SPATA9: variants seen among roughly 807,000 people sequenced by gnomAD.
SPATA9 encodes spermatogenesis associated 9.
Under a neutral mutation model 25.5 loss-of-function variants are expected in SPATA9, and 27 were observed. The observed-to-expected ratio is 1.06, with a 90% confidence interval of 0.78 to 1.46. The LOEUF (loss-of-function observed/expected upper bound fraction) is 1.46. Ranked by LOEUF, SPATA9 falls within the 40% of genes most tolerant of loss-of-function variation. The pLI is 0.00. For missense variants in SPATA9, 282 were observed against 297.5 expected, an observed-to-expected ratio of 0.95 and a Z score of 0.38; for synonymous variants, 102 against 105.7, an observed-to-expected ratio of 0.97 and a Z score of 0.21.
At chr5:95,652,463 A>T (rs185072320), downstream of SPATA9, 49 of 1,157,782 alleles carry the variant, frequency 4.2e-5, no homozygotes, top group African/African-American at 6.5e-4. Context: ...CTTAAACTCA[A>T]TATGTGTAAA....
chr5:95,673,672 C>T (rs1339685696), intron 3 of SPATA9, among the ~76,000 whole-genome samples: 2 of 151,990 alleles, frequency 1.3e-5, no homozygotes, highest in Non-Finnish European at 2.9e-5. Flanking sequence ...AAAGATATTT[C>T]AGTGGGGATT....
At chr5:95,691,133 G>A (rs982407737) in intron 1 of SPATA9, among the ~76,000 whole-genome samples, 2 of 151,600 alleles carry the variant, frequency 1.3e-5, no homozygotes, top group Admixed American at 6.6e-5. Flanking sequence ...GGAGAACGGC[G>A]TGAACCCGGG....
the SPATA9 span, among the ~76,000 whole-genome samples, chr5:95,720,038 G>C: frequency 1.3e-5 from 2 of 152,154 alleles, no homozygotes; most frequent in Admixed American, 1.3e-4. Flanking sequence ...CCTATTATAA[G>C]TTTCTACCCC....
chr5:95,716,997 T>C, the SPATA9 span: 1 of 152,284 alleles, frequency 6.6e-6, no homozygotes, highest in Non-Finnish European at 1.5e-5. Flanking sequence ...CCTTTATAAA[T>C]TATGCAGTCT....
the SPATA9 span, chr5:95,731,798 G>T: frequency 1.2e-6 from 2 of 1,603,058 alleles, no homozygotes; most frequent in African/African-American, 1.3e-5. Flanking sequence ...TTCCTGTTCC[G>T]AGGAGAGACC....
rs572756747 is a variant in SPATA9 at position 95,663,488 on chromosome 5, T to G, written c.474+465A>C. ...GCTGTACACTTTCCTTTTTGTGTGT[T>G]ACAGTTTTTTTAAGTGGCTATTAAT... On this transcript the variant is annotated intron_variant, in intron 4 of 4. Coordinates refer to ENST00000274432, the MANE Select transcript of SPATA9 (RefSeq NM_031952.4). Among the ~76,000 whole-genome samples, 7 of 152,302 alleles carry G rather than the reference T, an allele frequency of 4.6e-5. No individual in the cohort carries two copies. The South Asian group carries it at 6.2e-4, about 14-fold the overall frequency.
rs973066112 is a variant in SPATA9 at position 95,658,711 on chromosome 5, G to A, written c.677C>T (p.Pro226Leu). Residue 226 changes from proline (P) to leucine (L), a missense_variant, in exon 5 of 5, where the codon CCC (proline) becomes CTC (leucine). By Grantham distance (98) the Pro-to-Leu change is moderately conservative. Coordinates refer to ENST00000274432, the MANE Select transcript of SPATA9 (RefSeq NM_031952.4). ...LPEKPDISDY[P>L]KLLANKQSNN... ...ACTCTGCTTATTAGCAAGAAGCTTG[G>A]GGTAATCTGAAATGTCTGGCTTCTC... 6.2e-7 allele frequency: 1 copy of A among 1,613,784 alleles called. No individual in the cohort carries two copies. The highest frequency in any genetic ancestry group is 2.2e-5 in the East Asian group (1 of 44,858).
intron 3 of SPATA9, among the ~76,000 whole-genome samples, chr5:95,665,242 G>A (rs1323120691): frequency 6.6e-6 from 1 of 152,124 alleles, no homozygotes; most frequent in Non-Finnish European, 1.5e-5. Flanking sequence ...TAGCTATTTT[G>A]TAATACATAA....
At chr5:95,662,483 C>T (rs961188755) in intron 4 of SPATA9, among the ~76,000 whole-genome samples, 4 of 152,134 alleles carry the variant, frequency 2.6e-5, no homozygotes, top group Non-Finnish European at 4.4e-5. Context: ...AACTCCTGGG[C>T]TCAAGGTATC....
In SPATA9 at chr5:95,663,989, G is replaced by A. The variant is rs1366578576; in HGVS notation, c.438C>T (p.Ser146=). 1 of 1,595,914 alleles carries A rather than the reference G, an allele frequency of 6.3e-7. No homozygotes were observed. ...GTGCTGCATATGAAGCATATATTATGCTAGTTAAAGCAGTCTTTGCTGGAA... is the reference window on the plus strand; with the variant it reads ...GTGCTGCATATGAAGCATATATTATACTAGTTAAAGCAGTCTTTGCTGGAA... The part of the protein sequence containing the change: ...ISFPAKTALT[S]IIYASYAALI... Residue 146 remains serine, a synonymous_variant, in exon 4 of 5, where the codon AGC becomes AGT. Coordinates refer to ENST00000274432, the MANE Select transcript of SPATA9 (RefSeq NM_031952.4).
At chr5:95,711,742 C>T in the SPATA9 span, among the ~76,000 whole-genome samples, 1 of 152,224 alleles carries the variant, frequency 6.6e-6, no homozygotes, top group African/African-American at 2.4e-5. Flanking sequence ...GGCGAAAACG[C>T]GGCCTGGCTC....
chr5:95,683,682 C>T (rs1452954460), upstream of SPATA9, among the ~76,000 whole-genome samples: 1 of 152,098 alleles, frequency 6.6e-6, no homozygotes, highest in African/African-American at 2.4e-5. Flanking sequence ...GGACTACAGA[C>T]ACCCACCACC....
At chr5:95,706,556 G>C in the SPATA9 span, among the ~76,000 whole-genome samples, 1 of 152,024 alleles carries the variant, frequency 6.6e-6, no homozygotes, top group East Asian at 1.9e-4. Context: ...AAATTACCTA[G>C]TCGCAGGTAT....
At position 95,682,569 on chromosome 5, in the gene SPATA9, C is replaced by T; in HGVS notation, c.109G>A (p.Asp37Asn). The T allele has an allele frequency of 1.9e-6, 3 of 1,613,852 alleles. No homozygotes were observed. Among genetic ancestry groups the T allele is most frequent in the Non-Finnish European group, 2.5e-6 (3 of 1,179,828 alleles). The part of the protein sequence containing the change: ...AIMDLVDEFK[D>N]EFPTILRLSQ... ...AATCTTAGGATGGTGGGAAATTCAT[C>T]TTTAAACTCATCTACAAGGTCCATG... The change falls in exon 2 of 5, where the codon GAT (aspartate) becomes AAT (asparagine). Residue 37 changes from aspartate (D) to asparagine (N), a missense_variant. Physicochemically the swap from Asp to Asn is conservative, Grantham distance 23. Coordinates refer to ENST00000274432, the MANE Select transcript of SPATA9 (RefSeq NM_031952.4).
intron 1 of SPATA9, among the ~76,000 whole-genome samples, chr5:95,694,615 T>C (rs1241045528): frequency 6.6e-6 from 1 of 152,226 alleles, no homozygotes; most frequent in Non-Finnish European, 1.5e-5. Flanking sequence ...TATGTGTGAA[T>C]TTATTTAAAT....
intron 2 of SPATA9, among the ~76,000 whole-genome samples, chr5:95,679,925 T>C (rs947126302): frequency 6.6e-6 from 1 of 152,204 alleles, no homozygotes; most frequent in African/African-American, 2.4e-5. Flanking sequence ...TGAGACGGAA[T>C]CTCGCTCTGT....
intron 4 of SPATA9, among the ~76,000 whole-genome samples, chr5:95,659,116 A>G (rs1481273250): frequency 6.6e-6 from 1 of 152,196 alleles, no homozygotes; most frequent in Admixed American, 6.5e-5. Context: ...CTAGAGAGCA[A>G]TTTAAAACCT....
chr5:95,686,913 G>A (rs964088136), upstream of SPATA9, among the ~76,000 whole-genome samples: 1 of 152,134 alleles, frequency 6.6e-6, no homozygotes, highest in African/African-American at 2.4e-5. Flanking sequence ...TAAGGCAGTG[G>A]ACACAAGTTA....
At chr5:95,699,628 T>C (rs918815997), upstream of SPATA9, among the ~76,000 whole-genome samples, 1 of 152,174 alleles carries the variant, frequency 6.6e-6, no homozygotes, top group Admixed American at 6.5e-5. Context: ...GATAACTGCT[T>C]AGACATATAT....
Sources: gnomAD v4.1 joint callset for allele counts (sites outside exome capture counted in the v4.1 genomes callset) on GRCh38, gnomAD v4.1.1 for gene constraint, MANE v1.5 for transcripts, NCBI Gene and HGNC (gene_info 2026-07-23, HGNC 2026-07-21) for gene names.